Variants in TUSC3 observed in about 807,000 individuals in gnomAD.
The protein encoded by TUSC3 is tumor suppressor candidate 3, also known as dolichyl-diphosphooligosaccharide--protein glycosyltransferase subunit TUSC3.
TUSC3 carries 45 observed loss-of-function variants against 44.8 expected under a neutral mutation model. That is an observed-to-expected ratio of 1.00 (90% CI 0.79 to 1.29). The LOEUF (loss-of-function observed/expected upper bound fraction) is 1.29. Ranked by LOEUF, TUSC3 falls within the 50% of genes most tolerant of loss-of-function variation. TUSC3 has a pLI of 0.00. For synonymous variants in TUSC3, 212 were observed against 152.9 expected (o/e 1.39, Z -2.85); for missense variants, 519 against 437.9 (o/e 1.19, Z -1.65).
intron 2 of TUSC3, among the ~76,000 whole-genome samples, chr8:15,522,777 A>G (rs2129129667): frequency 6.6e-6 from 1 of 152,128 alleles, no homozygotes; most frequent in East Asian, 1.9e-4. Context: ...CTCCAGGCAA[A>G]AGGAAGCTCC....
chr8:15,666,962 G>C (rs1807689085), intron 5 of TUSC3, among the ~76,000 whole-genome samples: 2 of 151,530 alleles, frequency 1.3e-5, no homozygotes, highest in South Asian at 4.1e-4. Flanking sequence ...GTAAGCAGTG[G>C]CCTCAAAAAC....
chr8:15,502,194 T>G (rs1048365260), intron 2 of TUSC3, among the ~76,000 whole-genome samples: 1 of 152,234 alleles, frequency 6.6e-6, no homozygotes, highest in East Asian at 1.9e-4. Flanking sequence ...TTTTTGTCTT[T>G]CTTTGCGCAA....
intron 1 of TUSC3, among the ~76,000 whole-genome samples, chr8:15,460,858 G>A (rs1467514221): frequency 1.3e-5 from 2 of 152,078 alleles, no homozygotes. Context: ...GTTTATTTCT[G>A]GGTTCTCTAT....
At chr8:15,522,088 A>G (rs760095673) in intron 2 of TUSC3, among the ~76,000 whole-genome samples, 1 of 152,146 alleles carries the variant, frequency 6.6e-6, no homozygotes, top group African/African-American at 2.4e-5. Context: ...TGAAATCTTC[A>G]TCTCATTTAC....
intron 1 of TUSC3, among the ~76,000 whole-genome samples, chr8:15,555,033 A>C (rs1006735925): frequency 3.3e-5 from 5 of 151,460 alleles, no homozygotes; most frequent in African/African-American, 1.2e-4. Context: ...TTGAAGGAAC[A>C]CACATTATAG....
intron 1 of TUSC3, among the ~76,000 whole-genome samples, chr8:15,445,079 A>C (rs1585792174): frequency 6.6e-6 from 1 of 152,294 alleles, no homozygotes; most frequent in East Asian, 1.9e-4. Flanking sequence ...TAGAAACAAA[A>C]AATTTGACAG....
intron 1 of TUSC3, among the ~76,000 whole-genome samples, chr8:15,460,357 A>G (rs966972277): frequency 1.3e-5 from 2 of 152,000 alleles, no homozygotes; most frequent in African/African-American, 2.4e-5. Flanking sequence ...TTACCTATTC[A>G]TGTTATTAGC....
Position 15,584,056 on chromosome 8 carries a change from A to T in TUSC3, c.139-39024A>T, listed in dbSNP as rs1480333339. 3.4e-3 allele frequency among the ~76,000 whole-genome samples: 516 copies of T among 152,324 alleles called. 4 individuals carry two copies. Among genetic ancestry groups the T allele is most frequent in the African/African-American group, 0.012 (495 of 41,572 alleles). On this transcript the variant is annotated intron_variant, in intron 1 of 10. Coordinates refer to ENST00000503731, the MANE Select transcript of TUSC3 (RefSeq NM_006765.4). Reference sequence around the variant, plus strand: ...TAAACAGGTACTTAAAGGCAGTGTAATCAAACACAGCAGCTTAACTGTTTT... The same window carrying T: ...TAAACAGGTACTTAAAGGCAGTGTATTCAAACACAGCAGCTTAACTGTTTT...
chr8:15,457,524 A>C, intron 1 of TUSC3, among the ~76,000 whole-genome samples: 1 of 151,146 alleles, frequency 6.6e-6, no homozygotes, highest in East Asian at 1.9e-4. Flanking sequence ...ACATTTATAT[A>C]CTGTATGAAC....
At chr8:15,728,924 AGT>A (rs1810604837) in intron 6 of TUSC3, among the ~76,000 whole-genome samples, 1 of 152,098 alleles carries the variant, frequency 6.6e-6, no homozygotes, top group Non-Finnish European at 1.5e-5. Context: ...AAAGAGAATG[AGT>A]GGTCAGATGA....
At chr8:15,605,139 A>G (rs767052179) in intron 1 of TUSC3, among the ~76,000 whole-genome samples, 2 of 151,880 alleles carry the variant, frequency 1.3e-5, no homozygotes, top group African/African-American at 2.4e-5. Context: ...GCCTGACCCC[A>G]AGCGTGAAGT....
the TUSC3 span, among the ~76,000 whole-genome samples, chr8:15,818,506 A>G: frequency 6.6e-6 from 1 of 152,128 alleles, no homozygotes; most frequent in Non-Finnish European, 1.5e-5. Flanking sequence ...TTGTCATTTC[A>G]CTCATTCTTT....
chr8:15,507,080 T>C (rs985281105), intron 2 of TUSC3, among the ~76,000 whole-genome samples: 2 of 152,360 alleles, frequency 1.3e-5, no homozygotes, highest in African/African-American at 4.8e-5. Context: ...TAACTTTGTA[T>C]GTTTTTTCTC....
intron 1 of TUSC3, among the ~76,000 whole-genome samples, chr8:15,435,594 T>A (rs969038815): frequency 3.3e-5 from 5 of 152,186 alleles, no homozygotes; most frequent in African/African-American, 1.2e-4. Context: ...TTGAAACTCT[T>A]TAGAGGTACC....
chr8:15,704,491 C>G (rs1047030201), intron 6 of TUSC3, among the ~76,000 whole-genome samples: 1 of 151,958 alleles, frequency 6.6e-6, no homozygotes, highest in African/African-American at 2.4e-5. Flanking sequence ...GTGAGATAAT[C>G]TGACATTTTA....
Position 15,485,957 on chromosome 8 carries a change from A to AT in TUSC3, n.189+2482dup, listed in dbSNP as rs557099813. Among the ~76,000 whole-genome samples, 60 of 151,604 alleles carry AT rather than the reference A, an allele frequency of 4.0e-4. 1 individual carries two copies. Among genetic ancestry groups the AT allele is most frequent in the South Asian group, 3.8e-3 (18 of 4,770 alleles). ...AGGTGCCCACCACCAAGCCCGGCTTATTTTTTTTGTATATTTAGTAGAGTC... is the reference window on the plus strand; with the variant it reads ...AGGTGCCCACCACCAAGCCCGGCTTATTTTTTTTTGTATATTTAGTAGAGTC... On this transcript the variant is annotated intron_variant and non_coding_transcript_variant, in intron 2 of 5. Coordinates refer to the TUSC3 transcript ENST00000503191.
At chr8:15,492,391 T>C (rs1396563103) in intron 2 of TUSC3, among the ~76,000 whole-genome samples, 1 of 152,166 alleles carries the variant, frequency 6.6e-6, no homozygotes, top group African/African-American at 2.4e-5. Flanking sequence ...AAAAAACTTA[T>C]ATGCAATACA....
chr8:15,628,468 A>T (rs1805613971), intron 2 of TUSC3, among the ~76,000 whole-genome samples: 1 of 152,198 alleles, frequency 6.6e-6, no homozygotes, highest in South Asian at 2.1e-4. Context: ...TATTTTAAGA[A>T]ACTTAGCATT....
At chr8:15,689,330 C>G in intron 6 of TUSC3, 2 of 275,426 alleles carry the variant, frequency 7.3e-6, no homozygotes, top group South Asian at 7.5e-5. Flanking sequence ...ATCATCACTC[C>G]GTCAACAGCA....
Sources: allele counts gnomAD v4.1 joint callset (sites outside exome capture counted in the v4.1 genomes callset), GRCh38; gene constraint gnomAD v4.1.1; transcripts MANE v1.5; gene names NCBI Gene and HGNC (gene_info 2026-07-23, HGNC 2026-07-21).